Variants in CHRND observed in about 807,000 individuals in gnomAD.
CHRND encodes cholinergic receptor nicotinic delta subunit, also known as acetylcholine receptor subunit delta.
Under a neutral mutation model 57.8 loss-of-function variants are expected in CHRND, and 40 were observed. The observed-to-expected ratio is 0.69, with a 90% CI of 0.54 to 0.90. The LOEUF (loss-of-function observed/expected upper bound fraction) is 0.90, where lower values mean the gene tolerates loss of function less well. CHRND is among the 40% of genes least tolerant of loss of function. The pLI, the probability that CHRND is intolerant of heterozygous loss-of-function variation, is 0.00. For synonymous variants in CHRND, 237 were observed against 270.6 expected, an observed-to-expected ratio of 0.88 and a Z score of 1.22; for missense variants, 634 against 673.9, an observed-to-expected ratio of 0.94 and a Z score of 0.66.
Position 232,530,081 on chromosome 2 carries a change from G to A in CHRND, c.762G>A (p.Leu254=), listed in dbSNP as rs1198741419. The change falls in exon 7 of 12, where the codon CTG becomes CTA. Residue 254 remains leucine, a synonymous_variant. Transcript: ENST00000258385. ...CCCTCTTCTACATCATCAACATCCT[G>A]GTGCCCTGCGTGCTCATCTCCTTCA... ...RKPLFYIINI[L]VPCVLISFMV... The A allele has an allele frequency of 6.2e-6, 10 of 1,613,884 alleles. No homozygotes were observed. In the Admixed American group the frequency reaches 1.7e-4, roughly 27 times the overall value.
intron 2 of CHRND, among the ~76,000 whole-genome samples, chr2:232,527,175 T>TA (rs1691504362): frequency 6.6e-6 from 1 of 152,078 alleles, no homozygotes; most frequent in East Asian, 1.9e-4. Flanking sequence ...GGTGTGGGCC[T>TA]ATAATCCCAG....
chr2:232,528,159 T>A (rs889893209), intron 3 of CHRND, 103 bp from the exon 4 acceptor site: 1 of 1,102,806 alleles, frequency 9.1e-7, no homozygotes, highest in African/African-American at 1.5e-5. Flanking sequence ...ACCTCTTTTG[T>A]CACAGCTCTC....
chr2:232,526,291 C>T, intron 1 of CHRND, 24 bp downstream of exon 1: 1 of 1,608,278 alleles, frequency 6.2e-7, no homozygotes, highest in Non-Finnish European at 8.5e-7. Flanking sequence ...CCCTCCCCAC[C>T]CTGGGGTCCC....
Position 232,528,542 on chromosome 2 carries a change from T to C in CHRND, c.395T>C (p.Leu132Pro). 1 of 1,614,168 alleles carries C rather than the reference T, an allele frequency of 6.2e-7. No homozygotes were observed. Among genetic ancestry groups the C allele is most frequent in the Non-Finnish European group, 8.5e-7 (1 of 1,180,032 alleles). Residue 132 changes from leucine (L) to proline (P), a missense_variant, in exon 5 of 12, where the codon CTT becomes CCT. By Grantham distance (98) the Leu-to-Pro change is moderately conservative. Transcript: ENST00000258385. Reference protein sequence around the residue: ...SFQISYSCNVLVYHYGFVYWL... With the variant: ...SFQISYSCNVPVYHYGFVYWL... ...CAGATCTCCTACTCCTGCAACGTGCTTGTCTACCACTACGGCTTCGTGTAC... is the reference window on the plus strand; with the variant it reads ...CAGATCTCCTACTCCTGCAACGTGCCTGTCTACCACTACGGCTTCGTGTAC...
Position 232,534,087 on chromosome 2 carries a change from G to A in CHRND, c.1204G>A (p.Glu402Lys), listed in dbSNP as rs145955590. The A allele has an allele frequency of 1.9e-5, 30 of 1,613,998 alleles. No individual in the cohort carries two copies. The highest frequency in any genetic ancestry group is 1.2e-4 in the South Asian group (11 of 91,090). ...LLKSRSDLMF[E>K]KQSERHGLAR... ...CAAGTCCCGCAGTGACCTCATGTTCGAGAAGCAGTCAGAGCGGCATGGGCT... is the reference window on the plus strand; with the variant it reads ...CAAGTCCCGCAGTGACCTCATGTTCAAGAAGCAGTCAGAGCGGCATGGGCT... Residue 402 changes from glutamate (E) to lysine (K), a missense_variant, in exon 10 of 12, where the codon GAG becomes AAG. Transcript: ENST00000258385.
intron 11 of CHRND, 36 bp from the exon 12 acceptor site, chr2:232,535,094 C>G: frequency 6.2e-7 from 1 of 1,611,088 alleles, no homozygotes; most frequent in Non-Finnish European, 8.5e-7. Flanking sequence ...TGGCCTGAGG[C>G]CCTTCTCACC....
rs1691567318 is a variant in CHRND, at chr2:232,528,540, G to C, written c.393G>C (p.Val131=). ...GSFQISYSCN[V]LVYHYGFVYW... is the part of the protein sequence containing the mutation. ...TCCAGATCTCCTACTCCTGCAACGT[G>C]CTTGTCTACCACTACGGCTTCGTGT... The change falls in exon 5 of 12, where the codon GTG becomes GTC. Residue 131 remains valine, a synonymous_variant. Coordinates refer to ENST00000258385, the MANE Select transcript of CHRND (RefSeq NM_000751.3). The C allele has an allele frequency of 6.2e-7, 1 of 1,614,080 alleles. No individual in the cohort carries two copies. Among genetic ancestry groups the C allele is most frequent in the East Asian group, 2.2e-5 (1 of 44,862 alleles).
chr2:232,534,481 C>T (rs567665529), intron 11 of CHRND, 139 bp downstream of exon 11: 6 of 898,122 alleles, frequency 6.7e-6, no homozygotes, highest in East Asian at 2.6e-5. Context: ...AGATTCCAGG[C>T]CCCCCCGCCA....
intron 6 of CHRND, among the ~76,000 whole-genome samples, chr2:232,529,240 C>T (rs1348105055): frequency 2.0e-5 from 3 of 152,172 alleles, no homozygotes; most frequent in African/African-American, 7.2e-5. Flanking sequence ...TGCCCAGGCC[C>T]GGAAGTCATG....
In CHRND at chr2:232,528,864, C is replaced by T; in HGVS notation, c.512C>T (p.Ser171Phe). 1 of 1,613,630 alleles carries T rather than the reference C, an allele frequency of 6.2e-7. No individual in the cohort carries two copies. The highest frequency in any genetic ancestry group is 1.1e-5 in the South Asian group (1 of 91,046). Residue 171 changes from serine (S) to phenylalanine (F), a missense_variant and splice_region_variant, in exon 6 of 12, where the codon TCC becomes TTC. By Grantham distance (155) the Ser-to-Phe change is radical. Transcript: ENST00000258385. ...TCTCTGCCCATTGCCCTCCCCAGTTCCCTCAAGTATACGGCCAAAGAGATC... is the reference window on the plus strand; with the variant it reads ...TCTCTGCCCATTGCCCTCCCCAGTTTCCTCAAGTATACGGCCAAAGAGATC... ...DWQNCSLKFS[S>F]LKYTAKEITL...
intron 11 of CHRND, 36 bp from the exon 12 acceptor site, chr2:232,535,094 C>T (rs1171719333): frequency 3.1e-6 from 5 of 1,611,088 alleles, no homozygotes; most frequent in Non-Finnish European, 4.2e-6. Context: ...TGGCCTGAGG[C>T]CCTTCTCACC....
In CHRND at chr2:232,528,853, C is replaced by T; in HGVS notation, c.510-9C>T. The T allele has an allele frequency of 6.2e-7, 1 of 1,611,878 alleles. No homozygotes were observed. The highest frequency in any genetic ancestry group is 8.5e-7 in the Non-Finnish European group (1 of 1,177,988). On this transcript the variant is annotated splice_polypyrimidine_tract_variant and intron_variant, in intron 5 of 11. Coordinates refer to ENST00000258385, the MANE Select transcript of CHRND (RefSeq NM_000751.3). ...CCGAGTGTCACTCTCTGCCCATTGC[C>T]CTCCCCAGTTCCCTCAAGTATACGG...
rs1553574761 is a variant in CHRND, at chr2:232,529,984, T to C, written c.665T>C (p.Val222Ala). 2 of 1,614,074 alleles carry C rather than the reference T, an allele frequency of 1.2e-6. No homozygotes were observed. The highest frequency in any genetic ancestry group is 2.7e-5 in the African/African-American group (2 of 75,012). Residue 222 changes from valine to alanine, a missense_variant, in exon 7 of 12, where the codon GTG becomes GCG. Coordinates refer to ENST00000258385, the MANE Select transcript of CHRND (RefSeq NM_000751.3). ...EIVHRPARVN[V>A]DPRAPLDSPS... ...GTCCACCGGCCGGCCAGGGTCAACGTGGACCCCAGAGCCCCTCTGGACAGC... is the reference window on the plus strand; with the variant it reads ...GTCCACCGGCCGGCCAGGGTCAACGCGGACCCCAGAGCCCCTCTGGACAGC...
chr2:232,532,670 T>C (rs1402407815), intron 9 of CHRND, among the ~76,000 whole-genome samples: 1 of 152,176 alleles, frequency 6.6e-6, no homozygotes, highest in Non-Finnish European at 1.5e-5. Flanking sequence ...CAGCACATGC[T>C]GCAGGCCTCA....
rs144597817 is a variant in CHRND at position 232,535,186 on chromosome 2, G to A, written c.1428G>A (p.Val476=). ...CAGTGGACCGCCTCTGCCTGTTTGT[G>A]GTGACGCCTGTCATGGTGGTGGGCA... ...ARTVDRLCLF[V]VTPVMVVGTA... The change falls in exon 12 of 12, where the codon GTG becomes GTA. Residue 476 remains valine (V), a synonymous_variant. Coordinates refer to ENST00000258385, the MANE Select transcript of CHRND (RefSeq NM_000751.3). The A allele has an allele frequency of 6.2e-6, 10 of 1,614,240 alleles. No homozygotes were observed. The East Asian group carries it at 2.2e-4, about 36-fold the overall frequency.
Position 232,530,102 on chromosome 2 carries a change from C to G in CHRND, c.783C>G (p.Ser261=), listed in dbSNP as rs773307092. 1.2e-6 allele frequency: 2 copies of G among 1,614,206 alleles called. No individual in the cohort carries two copies. Among genetic ancestry groups the G allele is most frequent in the East Asian group, 4.5e-5 (2 of 44,884 alleles). The change falls in exon 7 of 12, where the codon TCC becomes TCG. Residue 261 remains serine (S), a synonymous_variant. Transcript: ENST00000258385. ...INILVPCVLI[S]FMVNLVFYLP... is the part of the protein sequence containing the mutation. ...TCCTGGTGCCCTGCGTGCTCATCTC[C>G]TTCATGGTCAACCTGGTCTTCTACC...
In CHRND at chr2:232,535,728, T is replaced by C. The variant is rs1691867428; in HGVS notation, c.*416T>C. 1 of 458,720 alleles carries C rather than the reference T, an allele frequency of 2.2e-6. No individual in the cohort carries two copies. The highest frequency in any genetic ancestry group is 1.6e-5 in the South Asian group (1 of 64,506). 28.4% of individuals were successfully genotyped at this position (458,720 alleles called of 1,614,324 possible). ...CTGGCCCCTCCAGCCTCCCTCTTCC[T>C]ACCTACCCTTCAACCTCAGGCTTCT... On this transcript the variant is annotated 3_prime_UTR_variant, in exon 12 of 12. Transcript: ENST00000258385.
intron 11 of CHRND, 70 bp downstream of exon 11, chr2:232,534,412 GA>G: frequency 1.3e-6 from 2 of 1,484,290 alleles, no homozygotes; most frequent in Non-Finnish European, 1.9e-6. Flanking sequence ...TCTATCTTAA[GA>G]GGGCAGGGTT....
chr2:232,533,915 C>T lies in CHRND; in HGVS notation c.1048-16C>T. On this transcript the variant is annotated splice_polypyrimidine_tract_variant and intron_variant, in intron 9 of 11. Transcript: ENST00000258385. ...AAAAACAACGCCTTTCTTGTGGCCCCTTGACATGGCCCCAGCTCTTCCTGG... is the reference window on the plus strand; with the variant it reads ...AAAAACAACGCCTTTCTTGTGGCCCTTTGACATGGCCCCAGCTCTTCCTGG... 2 of 1,611,428 alleles carry T rather than the reference C, an allele frequency of 1.2e-6. No homozygotes were observed. The highest frequency in any genetic ancestry group is 1.3e-5 in the African/African-American group (1 of 75,014).
Sources: allele counts gnomAD v4.1 joint callset (sites outside exome capture counted in the v4.1 genomes callset), GRCh38; gene constraint gnomAD v4.1.1; transcripts MANE v1.5; gene names NCBI Gene and HGNC (gene_info 2026-07-23, HGNC 2026-07-21).